The following SYTL4 variants were observed in gnomAD, a reference collection of about 807,000 sequenced individuals.
SYTL4 encodes synaptotagmin-like protein 4.
Under a neutral mutation model 52.7 loss-of-function variants are expected in SYTL4, and 16 were observed. The ratio of observed to expected loss-of-function variants is 0.30; its 90% CI spans 0.21 to 0.46. The LOEUF is 0.46. SYTL4 is among the 20% of genes least tolerant of loss of function. The pLI is 1.00. For synonymous variants in SYTL4, 160 were observed against 186.6 expected (o/e 0.86, Z 1.16); for missense variants, 423 against 519.9 (o/e 0.81, Z 1.81).
intron 2 of SYTL4, among the ~76,000 whole-genome samples, chrX:100,721,213 AGAG>A (rs1602922188): frequency 8.9e-6 from 1 of 112,054 alleles, no homozygotes; most frequent in African/African-American, 3.2e-5. Flanking sequence ...TAAGGGGAAA[AGAG>A]GTATGAGTTT....
chrX:100,701,847 A>G, intron 5 of SYTL4, 81 bp downstream of exon 5: 3 of 871,783 alleles, frequency 3.4e-6, no homozygotes, highest in Non-Finnish European at 4.9e-6. Context: ...TTCCTATGAA[A>G]GTCAGGTGGG....
At chrX:100,690,211 G>A (rs1569386628) in intron 10 of SYTL4, 46 bp from the exon 11 acceptor site, 7 of 960,570 alleles carry the variant, frequency 7.3e-6, no homozygotes, top group Non-Finnish European at 8.9e-6. Flanking sequence ...CAGATGGATA[G>A]GTAGAAGGAG....
At chrX:100,711,409 G>T (rs1000987642) in intron 2 of SYTL4, among the ~76,000 whole-genome samples, 6 of 111,588 alleles carry the variant, frequency 5.4e-5, no homozygotes, top group Middle Eastern at 4.2e-3. Flanking sequence ...AGTCATCAAA[G>T]CAGTTATTAT....
intron 19 of SYTL4, among the ~76,000 whole-genome samples, chrX:100,676,509 G>A (rs192511282): frequency 1.7e-4 from 19 of 111,442 alleles, no homozygotes; most frequent in African/African-American, 5.5e-4. Flanking sequence ...AATTTGAGAC[G>A]GAGCCTCGCT....
At chrX:100,708,113 T>A (rs1602866217) in intron 2 of SYTL4, among the ~76,000 whole-genome samples, 1 of 109,027 alleles carries the variant, frequency 9.2e-6, no homozygotes, top group South Asian at 4.2e-4. Context: ...TTAGGAGAAA[T>A]ACCTAATGTA....
rs1358443770 is a variant in SYTL4 at position 100,675,690 on chromosome X, G to C, written c.*338C>G. 2 of 149,393 alleles carry C rather than the reference G, an allele frequency of 1.3e-5. No individual in the cohort carries two copies. Among genetic ancestry groups the C allele is most frequent in the Non-Finnish European group, 2.6e-5 (2 of 78,244 alleles). 12.3% of individuals were successfully genotyped at this position (149,393 alleles called of 1,213,427 possible). On this transcript the variant is annotated 3_prime_UTR_variant, in exon 20 of 20. Coordinates refer to ENST00000372989, the MANE Select transcript of SYTL4 (RefSeq NM_001370165.1). Reference sequence around the variant, plus strand: ...TAGGAACAATGATAGCAAGACAGAAGATAAAAAGTTGTTTTAAAAGCTGTT... The same window carrying C: ...TAGGAACAATGATAGCAAGACAGAACATAAAAAGTTGTTTTAAAAGCTGTT...
intron 2 of SYTL4, among the ~76,000 whole-genome samples, chrX:100,721,821 T>C (rs75647850): frequency 8.1e-5 from 9 of 111,038 alleles, no homozygotes; most frequent in African/African-American, 1.6e-4. Flanking sequence ...CTTTTTTTTT[T>C]CTGAGACTTT....
chrX:100,725,742 A>G (rs758670791), intron 2 of SYTL4, among the ~76,000 whole-genome samples: 18 of 111,990 alleles, frequency 1.6e-4, no homozygotes, highest in African/African-American at 5.8e-4. Flanking sequence ...ATGGATGGAT[A>G]GATGGATAAA....
chrX:100,706,797 G>T (rs2147779489), intron 2 of SYTL4, among the ~76,000 whole-genome samples: 1 of 111,196 alleles, frequency 9.0e-6, no homozygotes, highest in Non-Finnish European at 1.9e-5. Flanking sequence ...AAAGTAAAAA[G>T]ATAGGAAAAG....
At chrX:100,701,040 G>A in intron 7 of SYTL4, 41 bp from the exon 8 acceptor site, 2 of 1,087,062 alleles carry the variant, frequency 1.8e-6, no homozygotes, top group Non-Finnish European at 2.6e-6. Flanking sequence ...GTGGTTATGA[G>A]TAGGGGAAAA....
intron 8 of SYTL4, among the ~76,000 whole-genome samples, chrX:100,698,205 C>T (rs982577400): frequency 2.7e-5 from 3 of 110,529 alleles, no homozygotes; most frequent in Non-Finnish European, 5.7e-5. Context: ...CGGGTTCACG[C>T]CATTCTCCTG....
chrX:100,711,467 G>T (rs2084067729), intron 2 of SYTL4, among the ~76,000 whole-genome samples: 1 of 111,651 alleles, frequency 9.0e-6, no homozygotes, highest in Admixed American at 9.5e-5. Context: ...CATGGGAGAT[G>T]TAAAAAGACT....
At chrX:100,680,921 C>T (rs777376788) in intron 17 of SYTL4, among the ~76,000 whole-genome samples, 1 of 111,678 alleles carries the variant, frequency 9.0e-6, no homozygotes, top group South Asian at 3.8e-4. Context: ...ACTTTACCAC[C>T]TCTCCCAGCC....
Position 100,689,954 on chromosome X carries a change from T to G in SYTL4, c.814A>C (p.Thr272Pro). The G allele has an allele frequency of 8.3e-7, 1 of 1,200,919 alleles. No homozygotes were observed. Reference sequence around the variant, plus strand: ...GGGCGAAGATCTATCACAGATTTAGTGTACTCTGAGGGGAAGACCAAAAAA... The same window carrying G: ...GGGCGAAGATCTATCACAGATTTAGGGTACTCTGAGGGGAAGACCAAAAAA... ...TRKILRPSEY[T>P]KSVIDLRPED... is the part of the protein sequence containing the mutation. Residue 272 changes from threonine (T) to proline (P), a missense_variant, in exon 12 of 20, where the codon ACT (threonine) becomes CCT (proline). Physicochemically the swap from Thr to Pro is conservative, Grantham distance 38. Coordinates refer to ENST00000372989, the MANE Select transcript of SYTL4 (RefSeq NM_001370165.1).
chrX:100,691,936 G>C (rs919190015), intron 8 of SYTL4, among the ~76,000 whole-genome samples: 10 of 111,323 alleles, frequency 9.0e-5, no homozygotes, highest in African/African-American at 2.6e-4. Context: ...TTTGGCCCCT[G>C]CTCACCCTCT....
At chrX:100,701,794 C>G (rs1255007011) in intron 5 of SYTL4, 121 bp from the exon 6 acceptor site, 1 of 810,643 alleles carries the variant, frequency 1.2e-6, no homozygotes, top group East Asian at 3.3e-5. Context: ...AACTCAGAGC[C>G]CAGCGTGACC....
intron 8 of SYTL4, among the ~76,000 whole-genome samples, chrX:100,699,613 C>T (rs375998911): frequency 2.0e-5 from 2 of 97,575 alleles, no homozygotes; most frequent in East Asian, 3.4e-4. Context: ...CTCAGCCTCC[C>T]GAGTAGCTGG....
Position 100,679,498 on chromosome X carries a change from T to C in SYTL4, c.1559-86A>G, listed in dbSNP as rs757706309. 28 of 780,615 alleles carry C rather than the reference T, an allele frequency of 3.6e-5. No individual in the cohort carries two copies. In the African/African-American group the frequency reaches 4.7e-4, roughly 13 times the overall value. 64.3% of individuals were successfully genotyped at this position (780,615 alleles called of 1,213,427 possible). The stretch of plus-strand genomic sequence containing the variant: ...TTGTTTATGCAGCACTTTCTTTGCT[T>C]GCTCCTAAAGGCAGCGAGCTCCATA... On this transcript the variant is annotated intron_variant, in intron 17 of 19. Coordinates refer to ENST00000372989, the MANE Select transcript of SYTL4 (RefSeq NM_001370165.1).
Position 100,701,968 on chromosome X carries a change from G to T in SYTL4, c.70C>A (p.Arg24=). The T allele has an allele frequency of 8.3e-7, 1 of 1,209,843 alleles. No homozygotes were observed. Among genetic ancestry groups the T allele is most frequent in the Non-Finnish European group, 1.1e-6 (1 of 894,401 alleles). ...EKDLILSVLQ[R]DEEVRKADEK... ...TCTGCTTTCCGGACCTCTTCATCTC[G>T]CTGTAGAACACTGAGAATCAAATCC... Residue 24 remains arginine, a synonymous_variant, in exon 5 of 20, where the codon CGA becomes AGA. Transcript: ENST00000372989.
Sources: allele counts gnomAD v4.1 joint callset (sites outside exome capture counted in the v4.1 genomes callset), GRCh38; gene constraint gnomAD v4.1.1; transcripts MANE v1.5; gene names NCBI Gene and HGNC (gene_info 2026-07-23, HGNC 2026-07-21).